PRKCA: variants seen among roughly 807,000 people sequenced by gnomAD.
The protein encoded by PRKCA is protein kinase C alpha.
PRKCA carries 27 observed loss-of-function variants against 87.0 expected under a neutral mutation model. That is an observed-to-expected ratio of 0.31 (90% CI 0.23 to 0.43). The LOEUF is 0.43. Ranked by LOEUF, PRKCA falls within the 20% of genes least tolerant of loss-of-function variation. The pLI is 1.00. For synonymous variants in PRKCA, 329 were observed against 311.1 expected, an observed-to-expected ratio of 1.06 and a Z score of -0.61; for missense variants, 518 against 852.3, an observed-to-expected ratio of 0.61 and a Z score of 4.88.
intron 5 of PRKCA, chr17:66,676,906 T>G (rs1243281907): frequency 6.6e-6 from 1 of 152,032 alleles, no homozygotes; most frequent in Non-Finnish European, 1.5e-5. Context: ...TAGCACAAGG[T>G]GAAAGTTCAG....
At chr17:66,798,407 ATGG>A (rs1975727297) in intron 16 of PRKCA, among the ~76,000 whole-genome samples, 1 of 47,532 alleles carries the variant, frequency 2.1e-5, no homozygotes. Flanking sequence ...GGTGGTGGTG[ATGG>A]TGATGGTGGT....
At chr17:66,499,654 C>T (rs543527193) in intron 3 of PRKCA, among the ~76,000 whole-genome samples, 11 of 152,124 alleles carry the variant, frequency 7.2e-5, no homozygotes, top group South Asian at 6.2e-4. Flanking sequence ...CGAAATATAA[C>T]GGAAACACAC....
intron 4 of PRKCA, 124 bp from the exon 5 acceptor site, chr17:66,645,259 A>T: frequency 7.4e-7 from 1 of 1,354,056 alleles, no homozygotes; most frequent in Non-Finnish European, 1.0e-6. Flanking sequence ...TGTCACCAAA[A>T]ACATTATAGC....
intron 2 of PRKCA, among the ~76,000 whole-genome samples, chr17:66,323,942 A>G (rs1893033086): frequency 1.3e-5 from 2 of 152,162 alleles, no homozygotes; most frequent in South Asian, 4.2e-4. Flanking sequence ...TTCTGACTCA[A>G]AAAAAAATTG....
Position 66,302,769 on chromosome 17 carries a change from C to T in PRKCA, c.-83C>T, listed in dbSNP as rs1904572021. The T allele has an allele frequency of 1.6e-6, 2 of 1,282,156 alleles. No individual in the cohort carries two copies. Among genetic ancestry groups the T allele is most frequent in the South Asian group, 3.3e-5 (2 of 60,636 alleles). 79.4% of individuals were successfully genotyped at this position (1,282,156 alleles called of 1,614,324 possible). On this transcript the variant is annotated 5_prime_UTR_variant, in exon 1 of 17. Coordinates refer to ENST00000413366, the MANE Select transcript of PRKCA (RefSeq NM_002737.3). ...CGCGCCCGGGGTCGCCCCGAGCCCGCACCTCTCCCCCGCCGCCCCCGCCCA... is the reference window on the plus strand; with the variant it reads ...CGCGCCCGGGGTCGCCCCGAGCCCGTACCTCTCCCCCGCCGCCCCCGCCCA...
chr17:66,329,384 T>A (rs2143270831), intron 2 of PRKCA, among the ~76,000 whole-genome samples: 1 of 152,276 alleles, frequency 6.6e-6, no homozygotes, highest in Admixed American at 6.5e-5. Context: ...CAGAGGGTGA[T>A]GCCGGGAAGG....
chr17:66,775,177 C>A (rs1476636313), intron 14 of PRKCA: 5 of 964,874 alleles, frequency 5.2e-6, no homozygotes, highest in Non-Finnish European at 6.2e-6. Context: ...GGTCAGTGCC[C>A]ACCCCCACAT....
chr17:66,613,513 G>A (rs886435181), intron 3 of PRKCA, among the ~76,000 whole-genome samples: 1 of 152,152 alleles, frequency 6.6e-6, no homozygotes, highest in Non-Finnish European at 1.5e-5. Context: ...TCTGAGGCTA[G>A]AAGTCCAAAA....
intron 2 of PRKCA, among the ~76,000 whole-genome samples, chr17:66,342,429 AT>A (rs1371190267): frequency 7.9e-4 from 99 of 124,684 alleles, no homozygotes; most frequent in African/African-American, 2.4e-3. Context: ...CTCAAAAAAA[AT>A]AAAATAAAAT....
rs1480320148 is a variant in PRKCA at position 66,792,061 on chromosome 17, C to T, written c.1854+3082C>T. On this transcript the variant is annotated intron_variant, in intron 16 of 16. Coordinates refer to ENST00000413366, the MANE Select transcript of PRKCA (RefSeq NM_002737.3). The surrounding 1 kb of genome is among the most constrained non-coding windows in gnomAD (Gnocchi z 4.5). Reference sequence around the variant, plus strand: ...CACAGCTAGCGACTCTCACCGTGAGCCCATTTCTGAGTGGCTCTCGCCTCT... The same window carrying T: ...CACAGCTAGCGACTCTCACCGTGAGTCCATTTCTGAGTGGCTCTCGCCTCT... Among the ~76,000 whole-genome samples the T allele has an allele frequency of 6.6e-6, 1 of 152,202 alleles. No individual in the cohort carries two copies. Among genetic ancestry groups the T allele is most frequent in the Non-Finnish European group, 1.5e-5 (1 of 68,038 alleles).
At chr17:66,727,969 C>G (rs1274435368) in intron 8 of PRKCA, among the ~76,000 whole-genome samples, 1 of 152,208 alleles carries the variant, frequency 6.6e-6, no homozygotes, top group South Asian at 2.1e-4. Context: ...CCCTCAACCC[C>G]AGCATTGATT....
At chr17:66,306,445 C>G (rs1266637398) in intron 2 of PRKCA, 1 of 268,102 alleles carries the variant, frequency 3.7e-6, no homozygotes, top group African/African-American at 2.2e-5. Flanking sequence ...ATTCAAGTGG[C>G]TTTTCTTCCT....
intron 16 of PRKCA, among the ~76,000 whole-genome samples, chr17:66,790,809 A>C (rs948408901): frequency 1.3e-5 from 2 of 151,838 alleles, no homozygotes; most frequent in African/African-American, 2.4e-5. Flanking sequence ...CATTTTGTGG[A>C]TACTCGGCCC....
At chr17:66,646,397 A>G (rs1007321809) in intron 5 of PRKCA, among the ~76,000 whole-genome samples, 3 of 152,112 alleles carry the variant, frequency 2.0e-5, no homozygotes, top group Non-Finnish European at 2.9e-5. Flanking sequence ...AGTTCTCGGT[A>G]CCATGACCCA....
At chr17:66,541,597 C>G (rs1967990601) in intron 3 of PRKCA, among the ~76,000 whole-genome samples, 1 of 152,190 alleles carries the variant, frequency 6.6e-6, no homozygotes, top group African/African-American at 2.4e-5. Flanking sequence ...GCAGGAATTG[C>G]ACGTGCAAAG....
chr17:66,603,232 T>C (rs944182591), intron 3 of PRKCA, among the ~76,000 whole-genome samples: 5 of 152,218 alleles, frequency 3.3e-5, no homozygotes, highest in African/African-American at 1.2e-4. Context: ...CTCTCTCTGC[T>C]GTGCTTCCTT....
intron 2 of PRKCA, among the ~76,000 whole-genome samples, chr17:66,451,703 G>A (rs146426240): frequency 3.9e-4 from 60 of 152,276 alleles, no homozygotes; most frequent in African/African-American, 1.1e-3. Flanking sequence ...GGAGTGGGGC[G>A]AGAGATGGAG....
At chr17:66,352,434 G>A (rs1907796166) in intron 2 of PRKCA, among the ~76,000 whole-genome samples, 1 of 151,898 alleles carries the variant, frequency 6.6e-6, no homozygotes, top group Non-Finnish European at 1.5e-5. Context: ...GGAGTTCTCT[G>A]CTGCAGGGCT....
chr17:66,328,792 C>T (rs377500746), intron 2 of PRKCA, among the ~76,000 whole-genome samples: 3 of 152,094 alleles, frequency 2.0e-5, no homozygotes, highest in Admixed American at 6.5e-5. Flanking sequence ...AGCCGGACTC[C>T]GTCTCAAAAC....
Sources: allele counts gnomAD v4.1 joint callset (sites outside exome capture counted in the v4.1 genomes callset), GRCh38; gene constraint gnomAD v4.1.1; non-coding constraint Gnocchi (gnomAD v3.1); transcripts MANE v1.5; gene names NCBI Gene and HGNC (gene_info 2026-07-23, HGNC 2026-07-21).